Variants in GRB14 observed in about 807,000 individuals in gnomAD.
GRB14 encodes the protein growth factor receptor-bound protein 14.
Under a neutral mutation model 69.1 loss-of-function variants are expected in GRB14, and 38 were observed. The ratio of observed to expected loss-of-function variants is 0.55; its 90% confidence interval spans 0.42 to 0.72. The LOEUF is 0.72. Among genes scored for constraint, GRB14 ranks in the 30% least tolerant of loss-of-function variants. The pLI, the probability that GRB14 is intolerant of heterozygous loss-of-function variation, is 0.00. For synonymous variants in GRB14, 247 were observed against 241.3 expected (o/e 1.02, Z -0.22); for missense variants, 666 against 666.1 (o/e 1.00, Z 0.00).
At chr2:164,593,412 T>A (rs1287275468) in intron 2 of GRB14, among the ~76,000 whole-genome samples, 1 of 152,192 alleles carries the variant, frequency 6.6e-6, no homozygotes, top group Non-Finnish European at 1.5e-5. Flanking sequence ...TTGGAACTCT[T>A]AACAGTATAT....
At chr2:164,586,935 G>A (rs905597811) in intron 2 of GRB14, among the ~76,000 whole-genome samples, 5 of 152,244 alleles carry the variant, frequency 3.3e-5, no homozygotes, top group Non-Finnish European at 5.9e-5. Flanking sequence ...GACCCAGAAG[G>A]AGAAAACAGA....
intron 2 of GRB14, among the ~76,000 whole-genome samples, chr2:164,612,583 C>T (rs914888560): frequency 6.6e-6 from 1 of 152,160 alleles, no homozygotes; most frequent in African/African-American, 2.4e-5. Context: ...CTGCTTACCA[C>T]CATTGAAATA....
In GRB14 at chr2:164,581,801, T is replaced by C. The variant is rs375488376; in HGVS notation, c.325-33985A>G. On this transcript the variant is annotated intron_variant, in intron 2 of 13. Transcript: ENST00000263915. Reference sequence around the variant, plus strand: ...TCTTCTCTTTCCTGGATAGTTAACTTTTCTCAACCAGATTCCTCTCACTGG... The same window carrying C: ...TCTTCTCTTTCCTGGATAGTTAACTCTTCTCAACCAGATTCCTCTCACTGG... Among the ~76,000 whole-genome samples the C allele has an allele frequency of 5.3e-5, 8 of 152,200 alleles. No individual in the cohort carries two copies. In the East Asian group the frequency reaches 5.8e-4, roughly 11 times the overall value.
intron 2 of GRB14, among the ~76,000 whole-genome samples, chr2:164,588,728 G>GC (rs1275299430): frequency 9.2e-5 from 14 of 152,168 alleles, no homozygotes; most frequent in African/African-American, 3.4e-4. Context: ...TTTAAAATCA[G>GC]CCTGTATTTT....
chr2:164,608,702 C>G lies in GRB14; in HGVS notation c.324+10985G>C, dbSNP rs531153787. On this transcript the variant is annotated intron_variant, in intron 2 of 13. Coordinates refer to ENST00000263915, the MANE Select transcript of GRB14 (RefSeq NM_004490.3). ...GCAATTGTGTTACTGTACATTTTCA[C>G]CATTGGGTTTCAGCTTTTGGATATA... Among the ~76,000 whole-genome samples, 4 of 152,092 alleles carry G rather than the reference C, an allele frequency of 2.6e-5. No individual in the cohort carries two copies. The South Asian group carries it at 8.3e-4, about 32-fold the overall frequency.
rs148268784 is a variant in GRB14 at position 164,503,442 on chromosome 2, CAAAAAAAAAAA to C, written c.1024-1118_1024-1108del. On this transcript the variant is annotated intron_variant, in intron 8 of 13. Coordinates refer to ENST00000263915, the MANE Select transcript of GRB14 (RefSeq NM_004490.3). ...ACAATGGGTATATTTGGTAATTAGG[CAAAAAAAAAAA>C]AAAAAAAAAAAAAAAAAAAAAAATC... Among the ~76,000 whole-genome samples the C allele has an allele frequency of 3.4e-3, 313 of 92,220 alleles. 1 individual carries two copies. Among genetic ancestry groups the C allele is most frequent in the African/African-American group, 0.013 (202 of 15,616 alleles). The allele number at this position is 92,220 out of a possible 152,430, so 60.5% of individuals were successfully genotyped here.
chr2:164,581,020 A>T (rs1689391300), intron 2 of GRB14, among the ~76,000 whole-genome samples: 1 of 152,224 alleles, frequency 6.6e-6, no homozygotes, highest in Admixed American at 6.5e-5. Context: ...ATCTACTACC[A>T]GTGCCTCTTC....
At chr2:164,503,645 A>C in intron 8 of GRB14, among the ~76,000 whole-genome samples, 1 of 152,224 alleles carries the variant, frequency 6.6e-6, no homozygotes, top group Non-Finnish European at 1.5e-5. Flanking sequence ...GACCTAATGA[A>C]ATTTATTTCA....
In GRB14 at chr2:164,508,772, TC is replaced by T; in HGVS notation, c.896del (p.Gly299GlufsTer21). On this transcript the variant is annotated frameshift_variant, in exon 7 of 14. Transcript: ENST00000263915. LOFTEE classifies it high-confidence loss of function. ...YVSLAGKKKH[G>X]APTNYGFCFK... ...AGCAGAATCCATAGTTAGTCGGTGCTCCATGTTTTTTTTTGCCTGCCAGTGA... is the reference window on the plus strand; with the variant it reads ...AGCAGAATCCATAGTTAGTCGGTGCTCATGTTTTTTTTTGCCTGCCAGTGA... The T allele has an allele frequency of 6.3e-7, 1 of 1,590,200 alleles. No individual in the cohort carries two copies. Among genetic ancestry groups the T allele is most frequent in the Non-Finnish European group, 8.5e-7 (1 of 1,172,032 alleles).
At position 164,492,437 on chromosome 2, in the gene GRB14, TTAA is replaced by T. The variant is rs1187967917; in HGVS notation, c.*596_*598del. Among the ~76,000 whole-genome samples the T allele has an allele frequency of 6.6e-6, 1 of 151,920 alleles. No homozygotes were observed. The highest frequency in any genetic ancestry group is 1.5e-5 in the Non-Finnish European group (1 of 67,898). On this transcript the variant is annotated 3_prime_UTR_variant, in exon 14 of 14. Coordinates refer to ENST00000263915, the MANE Select transcript of GRB14 (RefSeq NM_004490.3). Reference sequence around the variant, plus strand: ...CAGTATAAATTTTATAATTAACTATTTAATAATATTTTTAAATTACCTGGAAAA... The same window carrying T: ...CAGTATAAATTTTATAATTAACTATTTAATATTTTTAAATTACCTGGAAAA...
chr2:164,585,201 G>A (rs538772949), intron 2 of GRB14, among the ~76,000 whole-genome samples: 1 of 137,540 alleles, frequency 7.3e-6, no homozygotes, highest in African/African-American at 2.6e-5. Flanking sequence ...GCCCACCTTG[G>A]ACTCCCAAAG....
chr2:164,589,830 T>A (rs1428243290), intron 2 of GRB14, among the ~76,000 whole-genome samples: 1 of 152,166 alleles, frequency 6.6e-6, no homozygotes, highest in East Asian at 1.9e-4. Context: ...CTGGGTGGCT[T>A]ATAAGCAACA....
chr2:164,539,335 C>T (rs771703337), intron 3 of GRB14, among the ~76,000 whole-genome samples: 2 of 151,744 alleles, frequency 1.3e-5, no homozygotes, highest in East Asian at 1.9e-4. Flanking sequence ...ATTAGCCAGG[C>T]GTGATGGTGC....
intron 6 of GRB14, 30 bp from the exon 7 acceptor site, chr2:164,508,882 A>G (rs757177318): frequency 1.9e-5 from 27 of 1,393,184 alleles, no homozygotes; most frequent in Non-Finnish European, 2.5e-5. Flanking sequence ...ACATGGATAC[A>G]TATTTTTGCA....
chr2:164,618,385 G>A (rs1574362834), intron 2 of GRB14, among the ~76,000 whole-genome samples: 1 of 151,926 alleles, frequency 6.6e-6, no homozygotes, highest in East Asian at 1.9e-4. Flanking sequence ...TTTCACTAGG[G>A]CTGTTTTTTC....
At chr2:164,583,935 GCACTTAGGCATTATAATAAAAT>G (rs1324767773) in intron 2 of GRB14, among the ~76,000 whole-genome samples, 1 of 151,330 alleles carries the variant, frequency 6.6e-6, no homozygotes, top group African/African-American at 2.4e-5. Context: ...GACCTCATAT[GCACTTAGGCATTATAATAAAAT>G]CCTATATTAT....
At chr2:164,574,559 A>G (rs1559057424) in intron 2 of GRB14, among the ~76,000 whole-genome samples, 1 of 152,142 alleles carries the variant, frequency 6.6e-6, no homozygotes, top group Non-Finnish European at 1.5e-5. Flanking sequence ...TAAATTTAAG[A>G]AACATTAGAC....
At position 164,603,574 on chromosome 2, in the gene GRB14, G is replaced by A. The variant is rs535907366; in HGVS notation, c.324+16113C>T. The stretch of plus-strand genomic sequence containing the variant: ...AGCTACTCTGGAGTCTGAGGCAGGA[G>A]AGTCACTTGAACCTGGAGGCAGAGG... On this transcript the variant is annotated intron_variant, in intron 2 of 13. Transcript: ENST00000263915. Among the ~76,000 whole-genome samples, 11 of 151,826 alleles carry A rather than the reference G, an allele frequency of 7.2e-5. No homozygotes were observed. The South Asian group carries it at 2.1e-3, about 29-fold the overall frequency.
intron 6 of GRB14, among the ~76,000 whole-genome samples, chr2:164,514,628 C>T (rs567956855): frequency 1.3e-4 from 20 of 152,206 alleles, no homozygotes; most frequent in Admixed American, 3.3e-4. Flanking sequence ...TGGAAAAGAC[C>T]ACAGAGAGAA....
Sources: gnomAD v4.1 joint callset for allele counts (sites outside exome capture counted in the v4.1 genomes callset) on GRCh38, gnomAD v4.1.1 for gene constraint, MANE v1.5 for transcripts, NCBI Gene and HGNC (gene_info 2026-07-23, HGNC 2026-07-21) for gene names.